Variants in ALDH18A1 observed in about 807,000 individuals in gnomAD.
ALDH18A1 encodes aldehyde dehydrogenase 18 family member A1, also known as delta-1-pyrroline-5-carboxylate synthase.
Under a neutral mutation model 88.8 loss-of-function variants are expected in ALDH18A1, and 44 were observed. The ratio of observed to expected loss-of-function variants is 0.50; its 90% confidence interval spans 0.39 to 0.64. ALDH18A1 has a LOEUF of 0.64. ALDH18A1 is among the 30% of genes least tolerant of loss of function. The pLI is 0.00. For synonymous variants in ALDH18A1, 331 were observed against 372.1 expected (o/e 0.89, Z 1.27); for missense variants, 782 against 1,009.5 (o/e 0.77, Z 3.05).
intron 17 of ALDH18A1, among the ~76,000 whole-genome samples, chr10:95,609,000 C>A (rs1197565232): frequency 9.2e-5 from 14 of 152,046 alleles, no homozygotes; most frequent in Admixed American, 9.2e-4. Context: ...CTCAGCCTCC[C>A]GAGTAGCTGG....
chr10:95,625,844 A>T (rs2097859659), intron 10 of ALDH18A1, among the ~76,000 whole-genome samples: 1 of 152,158 alleles, frequency 6.6e-6, no homozygotes, highest in African/African-American at 2.4e-5. Flanking sequence ...TACAGGGGCC[A>T]GTACTTTGAA....
intron 3 of ALDH18A1, 149 bp from the exon 4 acceptor site, chr10:95,637,585 G>T: frequency 2.1e-6 from 2 of 934,844 alleles, no homozygotes; most frequent in Non-Finnish European, 3.2e-6. Flanking sequence ...GAATCAGCCA[G>T]ATTGGTAAAA....
At chr10:95,653,897 G>T (rs547340914) in intron 1 of ALDH18A1, among the ~76,000 whole-genome samples, 4 of 152,308 alleles carry the variant, frequency 2.6e-5, no homozygotes, top group African/African-American at 9.6e-5. Context: ...AGAGGCTGCT[G>T]CCATGTCTTT....
At chr10:95,615,259 G>A (rs1234072297) in intron 13 of ALDH18A1, among the ~76,000 whole-genome samples, 1 of 151,836 alleles carries the variant, frequency 6.6e-6, no homozygotes, top group South Asian at 2.1e-4. Context: ...TTGAGCCTAG[G>A]AGGCTGAGGC....
chr10:95,610,227 G>A lies in ALDH18A1; in HGVS notation c.2176C>T (p.Arg726Cys), dbSNP rs202169492. 123 of 1,614,080 alleles carry A rather than the reference G, an allele frequency of 7.6e-5. No homozygotes were observed. The highest frequency in any genetic ancestry group is 3.3e-4 in the Middle Eastern group (2 of 6,062). Residue 726 changes from arginine (R) to cysteine (C), a missense_variant, in exon 17 of 18, where the codon CGC becomes TGC. Arg to Cys is a radical substitution (Grantham distance 180, BLOSUM62 -3). Transcript: ENST00000371224. ...CCAAAGCGGTAACCATCAGAAAAGC[G>A]AGTGCTGGCATTCCAGAACACACAG... ...SACVFWNASTRFSDGYRFGLG... is the reference protein window; with the variant it reads ...SACVFWNASTCFSDGYRFGLG...
At chr10:95,633,163 T>G in intron 6 of ALDH18A1, 114 bp from the exon 7 acceptor site, 1 of 927,890 alleles carries the variant, frequency 1.1e-6, no homozygotes, top group Non-Finnish European at 1.7e-6. Context: ...GCAAAACCAA[T>G]GAACCCAAAT....
At position 95,643,004 on chromosome 10, in the gene ALDH18A1, A is replaced by G. The variant is rs746832929; in HGVS notation, c.291T>C (p.Ser97=). 6.2e-7 allele frequency: 1 copy of G among 1,613,426 alleles called. No homozygotes were observed. Among genetic ancestry groups the G allele is most frequent in the African/African-American group, 1.3e-5 (1 of 74,938 alleles). The change falls in exon 3 of 18, where the codon TCT becomes TCC. Residue 97 remains serine (S), a synonymous_variant. Transcript: ENST00000371224. ...TCTTGGCAATCACCTGCTCAACAAT[A>G]GATGCCAAGCGCCCCAGGGCCAGGC... ...ECGLALGRLA[S]IVEQVSVLQN...
At chr10:95,611,560 A>C (rs11188399) in intron 15 of ALDH18A1, 118 bp from the exon 16 acceptor site, 3 of 1,148,526 alleles carry the variant, frequency 2.6e-6, no homozygotes, top group African/African-American at 3.1e-5. Context: ...CTGTAGCCTC[A>C]ACAACTGAAC....
chr10:95,647,078 C>T (rs2097902529), intron 2 of ALDH18A1, among the ~76,000 whole-genome samples: 1 of 151,978 alleles, frequency 6.6e-6, no homozygotes, highest in African/African-American at 2.4e-5. Context: ...CTCTGCTATT[C>T]TGCTTATCAT....
intron 2 of ALDH18A1, 81 bp from the exon 3 acceptor site, chr10:95,643,287 A>T: frequency 7.0e-7 from 1 of 1,421,218 alleles, no homozygotes; most frequent in Non-Finnish European, 9.8e-7. Flanking sequence ...GCTCAGTATT[A>T]ACCAGTTTAG....
intron 2 of ALDH18A1, among the ~76,000 whole-genome samples, chr10:95,651,990 G>A (rs1368088721): frequency 6.6e-6 from 1 of 152,112 alleles, no homozygotes; most frequent in African/African-American, 2.4e-5. Flanking sequence ...TCCTTTAATG[G>A]GTGAATGGTT....
chr10:95,609,765 C>T (rs1163276089), intron 17 of ALDH18A1, among the ~76,000 whole-genome samples: 1 of 41,964 alleles, frequency 2.4e-5, no homozygotes, highest in Non-Finnish European at 5.7e-5. Flanking sequence ...AGAAGTCTGT[C>T]TCTATTTTTT....
chr10:95,652,750 A>C (rs939625517), intron 2 of ALDH18A1, among the ~76,000 whole-genome samples: 3 of 152,092 alleles, frequency 2.0e-5, no homozygotes, highest in Non-Finnish European at 4.4e-5. Flanking sequence ...AAAGCATGTA[A>C]AAATTTATTT....
chr10:95,610,670 T>C (rs1225423774), intron 16 of ALDH18A1, among the ~76,000 whole-genome samples: 2 of 152,204 alleles, frequency 1.3e-5, no homozygotes, highest in Non-Finnish European at 2.9e-5. Flanking sequence ...ACTTACAACA[T>C]GACCTAGCTG....
intron 12 of ALDH18A1, among the ~76,000 whole-genome samples, chr10:95,618,079 T>C (rs1045062435): frequency 6.6e-6 from 1 of 152,154 alleles, no homozygotes; most frequent in Non-Finnish European, 1.5e-5. Flanking sequence ...GTGCTAGTTT[T>C]TTGTTTTTAC....
intron 2 of ALDH18A1, among the ~76,000 whole-genome samples, chr10:95,646,044 T>C (rs1411607727): frequency 3.9e-5 from 6 of 152,184 alleles, no homozygotes; most frequent in African/African-American, 1.4e-4. Context: ...ACAGGCTTAC[T>C]CCCCTAGGGT....
At chr10:95,616,838 G>A in intron 12 of ALDH18A1, 1 of 622,576 alleles carries the variant, frequency 1.6e-6, no homozygotes, top group Non-Finnish European at 2.8e-6. Context: ...ACTCCCCGAA[G>A]TCACACAGCT....
rs191733390 is a variant in ALDH18A1 at position 95,610,628 on chromosome 10, G to A, written c.2111-336C>T. Among the ~76,000 whole-genome samples, 378 of 152,284 alleles carry A rather than the reference G, an allele frequency of 2.5e-3. 6 individuals carry two copies. The highest frequency in any genetic ancestry group is 3.3e-3 in the East Asian group (17 of 5,186). The stretch of plus-strand genomic sequence containing the variant: ...GCTAGCTTTGTGACCTTCTGCAGGT[G>A]TACAAAACTCTCTGTGTCTGGGTCA... On this transcript the variant is annotated intron_variant, in intron 16 of 17. Coordinates refer to ENST00000371224, the MANE Select transcript of ALDH18A1 (RefSeq NM_002860.4).
chr10:95,644,121 C>T (rs2139645286), intron 2 of ALDH18A1, among the ~76,000 whole-genome samples: 1 of 152,210 alleles, frequency 6.6e-6, no homozygotes, highest in South Asian at 2.1e-4. Flanking sequence ...CCAGCCCAGG[C>T]AACAGAGCAA....
Sources: gnomAD v4.1 joint callset for allele counts (sites outside exome capture counted in the v4.1 genomes callset) on GRCh38, gnomAD v4.1.1 for gene constraint, MANE v1.5 for transcripts, NCBI Gene and HGNC (gene_info 2026-07-23, HGNC 2026-07-21) for gene names.